SERPINA6: variants seen among roughly 807,000 people sequenced by gnomAD.
SERPINA6 encodes the protein serpin family A member 6.
In SERPINA6, 19 loss-of-function variants were observed where a neutral mutation model predicts 26.4. The observed-to-expected ratio is 0.72, with a 90% CI of 0.50 to 1.06. The LOEUF (loss-of-function observed/expected upper bound fraction) is 1.06, where lower values mean the gene tolerates loss of function less well. Ranked by LOEUF, SERPINA6 falls within the 50% of genes least tolerant of loss-of-function variation. The probability of loss-of-function intolerance (pLI) is 0.00; values close to 1 mark genes in which losing one functional copy is unlikely to be tolerated. For missense variants in SERPINA6, 473 were observed against 504.0 expected (o/e 0.94, Z 0.59); for synonymous variants, 196 against 199.4 (o/e 0.98, Z 0.14).
At chr14:94,309,182 C>T in intron 3 of SERPINA6, among the ~76,000 whole-genome samples, 1 of 152,218 alleles carries the variant, frequency 6.6e-6, no homozygotes, top group African/African-American at 2.4e-5. Context: ...TTTCTTTCTA[C>T]TTACTCGCTT....
intron 1 of SERPINA6, among the ~76,000 whole-genome samples, chr14:94,318,298 A>T (rs990907918): frequency 1.3e-5 from 2 of 152,242 alleles, no homozygotes; most frequent in African/African-American, 4.8e-5. Context: ...CCAGTTCTGT[A>T]TTTCACAGAA....
At chr14:94,309,622 C>A in intron 3 of SERPINA6, 114 bp downstream of exon 3, 1 of 1,254,044 alleles carries the variant, frequency 8.0e-7, no homozygotes, top group East Asian at 2.3e-5. Context: ...AAAACTGAGC[C>A]CTGGAGGGTG....
chr14:94,304,446 A>G lies in SERPINA6; in HGVS notation c.1190T>C (p.Phe397Ser), dbSNP rs1895405235. The part of the protein sequence containing the change: ...IFDHFTWSSL[F>S]LARVMNPV The stretch of plus-strand genomic sequence containing the variant: ...CACTGGGTTCATAACCCTCGCCAGG[A>G]AAAGGCTGCTCCAGGTGAAGTGGTC... Residue 397 changes from phenylalanine to serine, a missense_variant, in exon 5 of 5, where the codon TTC becomes TCC. By Grantham distance (155) the Phe-to-Ser change is radical (BLOSUM62 -2). Transcript: ENST00000341584. 1 of 1,614,140 alleles carries G rather than the reference A, an allele frequency of 6.2e-7. No individual in the cohort carries two copies. The highest frequency in any genetic ancestry group is 8.5e-7 in the Non-Finnish European group (1 of 1,180,006).
chr14:94,322,422 A>C (rs1269327228), intron 1 of SERPINA6, among the ~76,000 whole-genome samples: 1 of 152,216 alleles, frequency 6.6e-6, no homozygotes, highest in African/African-American at 2.4e-5. Context: ...AGGCTGGAGA[A>C]TAGCTTGAAC....
At chr14:94,321,756 C>G (rs1311277999) in intron 1 of SERPINA6, among the ~76,000 whole-genome samples, 1 of 152,198 alleles carries the variant, frequency 6.6e-6, no homozygotes, top group Non-Finnish European at 1.5e-5. Context: ...CTCCAGGAAG[C>G]CTTGTATCTG....
intron 1 of SERPINA6, among the ~76,000 whole-genome samples, chr14:94,321,979 C>T (rs1595577692): frequency 6.6e-6 from 1 of 152,192 alleles, no homozygotes; most frequent in Admixed American, 6.5e-5. Flanking sequence ...TCCATCCACC[C>T]CACAATATTG....
In SERPINA6 at chr14:94,314,414, G is replaced by C; in HGVS notation, c.235C>G (p.Leu79Val). Residue 79 changes from leucine (L) to valine (V), a missense_variant, in exon 2 of 5, where the codon CTG (leucine) becomes GTG (valine). By Grantham distance (32) the Leu-to-Val change is conservative. Transcript: ENST00000341584. ...SISMALAMLS[L>V]GTCGHTRAQL... ...GCCCGTGTGTGGCCACAGGTGCCCA[G>C]GGACAGCATAGCTAAGGCCATGGAG... is the stretch of plus-strand genomic sequence containing the variant. 1 of 1,614,222 alleles carries C rather than the reference G, an allele frequency of 6.2e-7. No individual in the cohort carries two copies. The highest frequency in any genetic ancestry group is 1.7e-5 in the Admixed American group (1 of 60,032).
rs985704116 is a variant in SERPINA6 at position 94,311,711 on chromosome 14, G to A, written c.614-1705C>T. On this transcript the variant is annotated intron_variant, in intron 2 of 4. Transcript: ENST00000341584. ...TCCCAGCACTTTGGGAGGCCGAGGCGGGTGGATCATGAGGTCAGGAGATCG... is the reference window on the plus strand; with the variant it reads ...TCCCAGCACTTTGGGAGGCCGAGGCAGGTGGATCATGAGGTCAGGAGATCG... 9.2e-5 allele frequency among the ~76,000 whole-genome samples: 14 copies of A among 152,182 alleles called. No homozygotes were observed. The East Asian group carries it at 1.2e-3, about 13-fold the overall frequency.
rs752049879 is a variant in SERPINA6 at position 94,314,184 on chromosome 14, G to C, written c.465C>G (p.Val155=). 1 of 1,614,236 alleles carries C rather than the reference G, an allele frequency of 6.2e-7. No homozygotes were observed. Among genetic ancestry groups the C allele is most frequent in the Non-Finnish European group, 8.5e-7 (1 of 1,180,046 alleles). The change falls in exon 2 of 5, where the codon GTC becomes GTG. Residue 155 remains valine (V), a synonymous_variant. Coordinates refer to ENST00000341584, the MANE Select transcript of SERPINA6 (RefSeq NM_001756.4). ...ADIKHYYESE[V]LAMNFQDWAT... is the part of the protein sequence containing the mutation. ...CCCAGTCCTGGAAATTCATAGCCAAGACCTCTGACTCATAGTAGTGCTTGA... is the reference window on the plus strand; with the variant it reads ...CCCAGTCCTGGAAATTCATAGCCAACACCTCTGACTCATAGTAGTGCTTGA...
chr14:94,307,679 C>T (rs559913403), intron 3 of SERPINA6, among the ~76,000 whole-genome samples: 3 of 152,300 alleles, frequency 2.0e-5, no homozygotes, highest in Admixed American at 6.5e-5. Context: ...TCCCTAGCAT[C>T]GCCCAGACAC....
intron 1 of SERPINA6, among the ~76,000 whole-genome samples, chr14:94,320,097 C>A (rs1462110210): frequency 6.6e-6 from 1 of 152,152 alleles, no homozygotes; most frequent in Non-Finnish European, 1.5e-5. Context: ...AGGCCCTGTG[C>A]TGTGTGGAGC....
chr14:94,305,871 G>A (rs1322408528), intron 4 of SERPINA6, among the ~76,000 whole-genome samples, 200 bp downstream of exon 4: 1 of 152,164 alleles, frequency 6.6e-6, no homozygotes. Context: ...ACAGCTTCCT[G>A]TGTGATCTTG....
rs1482984628 is a variant in SERPINA6 at position 94,309,918 on chromosome 14, C to G, written c.702G>C (p.Met234Ile). 6.2e-7 allele frequency: 1 copy of G among 1,614,070 alleles called. No homozygotes were observed. Among genetic ancestry groups the G allele is most frequent in the African/African-American group, 1.3e-5 (1 of 74,934 alleles). ...GGTAACTGATGGTGCTCGACTGCAA[C>G]ATCATGGGCACCTTCACCACAGTTG... Reference protein sequence around the residue: ...DETTVVKVPMMLQSSTISYLH... With the variant: ...DETTVVKVPMILQSSTISYLH... Residue 234 changes from methionine (M) to isoleucine (I), a missense_variant, in exon 3 of 5, where the codon ATG becomes ATC. Coordinates refer to ENST00000341584, the MANE Select transcript of SERPINA6 (RefSeq NM_001756.4).
intron 3 of SERPINA6, 97 bp from the exon 4 acceptor site, chr14:94,306,315 A>C: frequency 5.5e-5 from 72 of 1,311,110 alleles, no homozygotes; most frequent in Non-Finnish European, 7.0e-5. Context: ...TTATTTCCTC[A>C]TGCGCTCCCT....
intron 3 of SERPINA6, among the ~76,000 whole-genome samples, chr14:94,307,724 T>C (rs1481141018): frequency 6.6e-6 from 1 of 152,196 alleles, no homozygotes; most frequent in African/African-American, 2.4e-5. Context: ...GTGTACACAC[T>C]CAAGCGTAGT....
At chr14:94,307,382 C>CT (rs1418476447) in intron 3 of SERPINA6, among the ~76,000 whole-genome samples, 1 of 152,204 alleles carries the variant, frequency 6.6e-6, no homozygotes, top group Admixed American at 6.5e-5. Flanking sequence ...AAGGCCAGGA[C>CT]TAGTTTTGCC....
chr14:94,322,877 T>A (rs1037142898), intron 1 of SERPINA6, among the ~76,000 whole-genome samples: 1 of 152,184 alleles, frequency 6.6e-6, no homozygotes, highest in Non-Finnish European at 1.5e-5. Flanking sequence ...GCGGCCAGCA[T>A]CCTTCATCGG....
At chr14:94,305,071 TAGG>T (rs1390503165) in intron 4 of SERPINA6, among the ~76,000 whole-genome samples, 8 of 152,290 alleles carry the variant, frequency 5.3e-5, no homozygotes, top group South Asian at 2.1e-4. Context: ...TGATCAAAAT[TAGG>T]AGGAGTTCTG....
At chr14:94,322,171 T>C (rs1895692975) in intron 1 of SERPINA6, among the ~76,000 whole-genome samples, 1 of 152,208 alleles carries the variant, frequency 6.6e-6, no homozygotes, top group Non-Finnish European at 1.5e-5. Context: ...CCATTCTGCC[T>C]ATCTCTACAG....
Sources: allele counts gnomAD v4.1 joint callset (sites outside exome capture counted in the v4.1 genomes callset), GRCh38; gene constraint gnomAD v4.1.1; transcripts MANE v1.5; gene names NCBI Gene and HGNC (gene_info 2026-07-23, HGNC 2026-07-21).